Variants in MTMR8 observed in about 807,000 individuals in gnomAD.
MTMR8 encodes the protein myotubularin related protein 8, also known as phosphatidylinositol-3,5-bisphosphate 3-phosphatase MTMR8.
In MTMR8, 65 loss-of-function variants were observed where a neutral mutation model predicts 39.3. The ratio of observed to expected loss-of-function variants is 1.65; its 90% confidence interval spans 1.35 to 2.03. MTMR8 has a LOEUF of 2.03. MTMR8 is among the 30% of genes most tolerant of loss of function. The pLI is 0.00. For synonymous variants in MTMR8, 245 were observed against 185.2 expected, an observed-to-expected ratio of 1.32 and a Z score of -2.62; for missense variants, 777 against 538.9, an observed-to-expected ratio of 1.44 and a Z score of -4.37.
intron 1 of MTMR8, among the ~76,000 whole-genome samples, chrX:64,379,139 G>A (rs906453120): frequency 9.0e-6 from 1 of 111,613 alleles, no homozygotes; most frequent in Non-Finnish European, 1.9e-5. Flanking sequence ...TCCAAAATTA[G>A]CAATCTTCTA....
intron 12 of MTMR8, among the ~76,000 whole-genome samples, chrX:64,295,294 C>T (rs1248872137): frequency 9.0e-6 from 1 of 110,813 alleles, no homozygotes; most frequent in Non-Finnish European, 1.9e-5. Context: ...TGAGGTAAAC[C>T]TAAATGCAAG....
intron 1 of MTMR8, among the ~76,000 whole-genome samples, chrX:64,380,795 C>T (rs1273897776): frequency 9.0e-6 from 1 of 111,125 alleles, no homozygotes; most frequent in African/African-American, 3.3e-5. Flanking sequence ...CTTGCTGTGT[C>T]CATGTGTTCT....
At chrX:64,326,287 G>A (rs1414797351) in intron 12 of MTMR8, among the ~76,000 whole-genome samples, 1 of 110,936 alleles carries the variant, frequency 9.0e-6, no homozygotes, top group Non-Finnish European at 1.9e-5. Context: ...TGTTGTTTAA[G>A]GGTCCACCAT....
chrX:64,344,340 G>T (rs1923295787), intron 7 of MTMR8, among the ~76,000 whole-genome samples: 1 of 111,444 alleles, frequency 9.0e-6, no homozygotes, highest in South Asian at 3.8e-4. Flanking sequence ...ATCTGGCAAG[G>T]GTGATGTAAA....
At chrX:64,288,705 C>T (rs1326570308) in intron 12 of MTMR8, among the ~76,000 whole-genome samples, 1 of 111,512 alleles carries the variant, frequency 9.0e-6, no homozygotes, top group Non-Finnish European at 1.9e-5. Flanking sequence ...ATGATGAGTT[C>T]ATGTCCTTTG....
intron 3 of MTMR8, among the ~76,000 whole-genome samples, chrX:64,355,275 G>T (rs1461477262): frequency 8.9e-6 from 1 of 111,923 alleles, no homozygotes; most frequent in Non-Finnish European, 1.9e-5. Context: ...GTTTTTAACT[G>T]GGCTCCCATG....
chrX:64,363,621 T>C (rs1923857783), intron 1 of MTMR8, among the ~76,000 whole-genome samples: 1 of 112,007 alleles, frequency 8.9e-6, no homozygotes, highest in Admixed American at 9.5e-5. Context: ...GTCTCTTCTT[T>C]TCTAATATGG....
Position 64,271,030 on chromosome X carries a change from G to C in MTMR8, c.1525C>G (p.Pro509Ala), listed in dbSNP as rs1308901644. 8.3e-7 allele frequency: 1 copy of C among 1,208,024 alleles called. No homozygotes were observed. ...MYNRFDKGLQ[P>A]KQSMLESLLE... ...AGGCTCTCTAGCATACTCTGCTTGGGCTGCAGCCCTTTGTCAAAGCGGTTA... is the reference window on the plus strand; with the variant it reads ...AGGCTCTCTAGCATACTCTGCTTGGCCTGCAGCCCTTTGTCAAAGCGGTTA... Residue 509 changes from proline to alanine, a missense_variant, in exon 13 of 14, where the codon CCC becomes GCC. Coordinates refer to ENST00000374852, the MANE Select transcript of MTMR8 (RefSeq NM_017677.4).
At chrX:64,286,394 C>T (rs1921178019) in intron 12 of MTMR8, among the ~76,000 whole-genome samples, 1 of 112,192 alleles carries the variant, frequency 8.9e-6, no homozygotes, top group Non-Finnish European at 1.9e-5. Context: ...CAAGGAGGAG[C>T]TGGTACCATT....
chrX:64,339,563 G>C (rs933238727), intron 8 of MTMR8, among the ~76,000 whole-genome samples: 8 of 111,528 alleles, frequency 7.2e-5, no homozygotes, highest in Non-Finnish European at 1.1e-4. Flanking sequence ...CAACCAAGAG[G>C]AAAGAGGGCA....
rs1350758144 is a variant in MTMR8 at position 64,350,268 on chromosome X, A to G, written c.469-198T>C. On this transcript the variant is annotated intron_variant, in intron 4 of 13. Transcript: ENST00000374852. Reference sequence around the variant, plus strand: ...CTAGTGTTTTAAAGGCCGTCCAGATATGAATACTAGGAACCTAGTATGTAG... The same window carrying G: ...CTAGTGTTTTAAAGGCCGTCCAGATGTGAATACTAGGAACCTAGTATGTAG... Among the ~76,000 whole-genome samples the G allele has an allele frequency of 2.7e-5, 3 of 110,055 alleles. No homozygotes were observed. The Admixed American group carries it at 2.9e-4, about 11-fold the overall frequency.
chrX:64,302,538 C>G (rs375845288), intron 12 of MTMR8, among the ~76,000 whole-genome samples: 1 of 112,138 alleles, frequency 8.9e-6, no homozygotes, highest in Non-Finnish European at 1.9e-5. Flanking sequence ...GCGTCGCTCA[C>G]GCTGGGAGCT....
At chrX:64,287,503 G>T (rs1266728152) in intron 12 of MTMR8, among the ~76,000 whole-genome samples, 2 of 111,109 alleles carry the variant, frequency 1.8e-5, no homozygotes, top group Non-Finnish European at 3.8e-5. Context: ...AGCCCGCATT[G>T]CCAAGTCAAT....
chrX:64,367,004 C>A (rs976739257), intron 1 of MTMR8, among the ~76,000 whole-genome samples: 2 of 111,726 alleles, frequency 1.8e-5, no homozygotes, highest in African/African-American at 6.5e-5. Flanking sequence ...ACTAGAAAAT[C>A]TAGAAGAAAT....
intron 12 of MTMR8, chrX:64,305,622 AGAGGAACCAAAT>A: frequency 1.9e-6 from 1 of 531,200 alleles, no homozygotes; most frequent in South Asian, 2.3e-5. Context: ...GCGGCTGAGA[AGAGGAACCAAAT>A]GAGGAACTAT....
chrX:64,303,210 T>A (rs1921962590), intron 12 of MTMR8, among the ~76,000 whole-genome samples: 1 of 112,525 alleles, frequency 8.9e-6, no homozygotes, highest in Admixed American at 9.4e-5. Flanking sequence ...TAGTAGTATC[T>A]GATTGAGCAT....
intron 13 of MTMR8, among the ~76,000 whole-genome samples, chrX:64,269,418 A>T (rs1375864660): frequency 1.8e-5 from 2 of 111,590 alleles, no homozygotes; most frequent in African/African-American, 3.3e-5. Flanking sequence ...GGTATTAGCT[A>T]TATTTTACAA....
At chrX:64,367,914 T>C (rs1924021356) in intron 1 of MTMR8, among the ~76,000 whole-genome samples, 1 of 112,086 alleles carries the variant, frequency 8.9e-6, no homozygotes, top group Non-Finnish European at 1.9e-5. Context: ...CAGCAAGGTC[T>C]CAGGATACAA....
chrX:64,358,836 C>T (rs1378559990), intron 2 of MTMR8, among the ~76,000 whole-genome samples: 1 of 99,153 alleles, frequency 1.0e-5, no homozygotes, highest in South Asian at 4.5e-4. Flanking sequence ...TACACATGCC[C>T]GTGCATGCAC....
Sources: allele counts gnomAD v4.1 joint callset (sites outside exome capture counted in the v4.1 genomes callset), GRCh38; gene constraint gnomAD v4.1.1; transcripts MANE v1.5; gene names NCBI Gene and HGNC (gene_info 2026-07-23, HGNC 2026-07-21).